The following ZFHX4 variants were observed in gnomAD, a reference collection of about 807,000 sequenced individuals.
The protein encoded by ZFHX4 is zinc finger homeobox 4.
ZFHX4 carries 56 observed loss-of-function variants against 267.6 expected under a neutral mutation model. The ratio of observed to expected loss-of-function variants is 0.21; its 90% confidence interval spans 0.17 to 0.26. The LOEUF is 0.26. ZFHX4 is among the 10% of genes least tolerant of loss of function. The pLI, the probability that ZFHX4 is intolerant of heterozygous loss-of-function variation, is 1.00. For missense variants in ZFHX4, 4,332 were observed against 4,420.0 expected, an observed-to-expected ratio of 0.98 and a Z score of 0.56; for synonymous variants, 1,778 against 1,665.6, an observed-to-expected ratio of 1.07 and a Z score of -1.64.
chr8:76,730,731 T>G (rs1808986913), intron 3 of ZFHX4, among the ~76,000 whole-genome samples: 2 of 151,964 alleles, frequency 1.3e-5, no homozygotes. Context: ...TAAAACTATT[T>G]TAAAGGTGCC....
chr8:76,819,733 T>G (rs766037464), intron 4 of ZFHX4, among the ~76,000 whole-genome samples: 3 of 152,206 alleles, frequency 2.0e-5, no homozygotes, highest in Non-Finnish European at 4.4e-5. Flanking sequence ...GTGGAACAAA[T>G]GAAAACTGAT....
Position 76,853,391 on chromosome 8 carries a change from A to C in ZFHX4, c.6470A>C (p.Glu2157Ala). ...GACATTAATAATTCTCCAAGTGAAGAACAGATCCAGGAAATGGCAGAGAAA... is the reference window on the plus strand; with the variant it reads ...GACATTAATAATTCTCCAAGTGAAGCACAGATCCAGGAAATGGCAGAGAAA... ...YFDINNSPSE[E>A]QIQEMAEKSG... is the part of the protein sequence containing the mutation. The change falls in exon 10 of 11, where the codon GAA becomes GCA. Residue 2157 changes from glutamate to alanine, a missense_variant. This residue lies in a region of ZFHX4 where 48 missense variants were observed against 95.4 expected (regional missense o/e 0.50). Coordinates refer to ENST00000651372, the MANE Select transcript of ZFHX4 (RefSeq NM_024721.5). 1 of 1,613,876 alleles carries C rather than the reference A, an allele frequency of 6.2e-7. No individual in the cohort carries two copies. The highest frequency in any genetic ancestry group is 8.5e-7 in the Non-Finnish European group (1 of 1,179,876).
At chr8:76,752,504 A>AG (rs796853524) in intron 3 of ZFHX4, among the ~76,000 whole-genome samples, 2 of 149,598 alleles carry the variant, frequency 1.3e-5, no homozygotes, top group Non-Finnish European at 1.5e-5. Context: ...AAAAAAAAAA[A>AG]AAAAAGAAAA....
intron 4 of ZFHX4, among the ~76,000 whole-genome samples, chr8:76,794,045 T>C (rs1375862735): frequency 1.3e-5 from 2 of 152,180 alleles, no homozygotes; most frequent in Non-Finnish European, 2.9e-5. Context: ...TTTTAAGTAT[T>C]TTATCTTAAC....
intron 4 of ZFHX4, among the ~76,000 whole-genome samples, chr8:76,785,809 G>A (rs112774069): frequency 5.1e-4 from 77 of 152,240 alleles, no homozygotes; most frequent in African/African-American, 1.7e-3. Flanking sequence ...TCTCAATTAC[G>A]TAGATAGTTC....
chr8:76,694,132 C>T (rs1807893788), intron 1 of ZFHX4, among the ~76,000 whole-genome samples: 1 of 152,182 alleles, frequency 6.6e-6, no homozygotes, highest in South Asian at 2.1e-4. Flanking sequence ...AGTATCTACT[C>T]TGTAAACTCT....
At chr8:76,713,745 CT>C (rs1808491992) in intron 3 of ZFHX4, among the ~76,000 whole-genome samples, 1 of 152,224 alleles carries the variant, frequency 6.6e-6, no homozygotes, top group South Asian at 2.1e-4. Flanking sequence ...ACTTAGAAGT[CT>C]TTTTCAGCGT....
At chr8:76,788,622 C>T (rs1371761627) in intron 4 of ZFHX4, among the ~76,000 whole-genome samples, 1 of 152,082 alleles carries the variant, frequency 6.6e-6, no homozygotes, top group Non-Finnish European at 1.5e-5. Context: ...CATTGAAATG[C>T]CATTTTGGGG....
In ZFHX4 at chr8:76,864,471, A is replaced by G; in HGVS notation, c.10757A>G (p.Glu3586Gly). 6.2e-7 allele frequency: 1 copy of G among 1,613,744 alleles called. No homozygotes were observed. Among genetic ancestry groups the G allele is most frequent in the East Asian group, 2.2e-5 (1 of 44,846 alleles). ...GACAGTGAGCTGAGCCAGAAGCTAG[A>G]AGACTTAGATAATTCTTTGGAAGTG... The part of the protein sequence containing the change: ...ESDSELSQKL[E>G]DLDNSLEVKA... The change falls in exon 11 of 11, where the codon GAA (glutamate) becomes GGA (glycine). Residue 3586 changes from glutamate (E) to glycine (G), a missense_variant. Physicochemically the swap from Glu to Gly is moderately conservative, Grantham distance 98 (BLOSUM62 -2). Coordinates refer to ENST00000651372, the MANE Select transcript of ZFHX4 (RefSeq NM_024721.5).
intron 1 of ZFHX4, among the ~76,000 whole-genome samples, chr8:76,685,938 G>A (rs887827633): frequency 6.6e-5 from 10 of 152,106 alleles, no homozygotes; most frequent in Non-Finnish European, 7.4e-5. Flanking sequence ...TAGGTGCAAC[G>A]TTTCTTTTTA....
chr8:76,802,023 C>T (rs943381592), intron 4 of ZFHX4, among the ~76,000 whole-genome samples: 5 of 152,032 alleles, frequency 3.3e-5, no homozygotes, highest in Non-Finnish European at 5.9e-5. Context: ...AGTATGAAAG[C>T]GTAATAGGCA....
rs748266891 is a variant in ZFHX4 at position 76,856,010 on chromosome 8, A to G, written c.9089A>G (p.Gln3030Arg). 21 of 1,613,892 alleles carry G rather than the reference A, an allele frequency of 1.3e-5. No homozygotes were observed. Among genetic ancestry groups the G allele is most frequent in the Non-Finnish European group, 1.4e-5 (17 of 1,179,888 alleles). The change falls in exon 10 of 11, where the codon CAG becomes CGG. Residue 3030 changes from glutamine (Q) to arginine (R), a missense_variant. Coordinates refer to ENST00000651372, the MANE Select transcript of ZFHX4 (RefSeq NM_024721.5). ...ATCAGAGATCACATTTTCTCCAAAC[A>G]GCACATTTCAAAAGTGAGGGAGACC... Reference protein sequence around the residue: ...LSIRDHIFSKQHISKVRETVG... With the variant: ...LSIRDHIFSKRHISKVRETVG...
At chr8:76,742,674 CACTT>C (rs1253471956) in intron 3 of ZFHX4, among the ~76,000 whole-genome samples, 2 of 152,178 alleles carry the variant, frequency 1.3e-5, no homozygotes, top group Admixed American at 1.3e-4. Flanking sequence ...AAAATAAACA[CACTT>C]AATTGAACAG....
At chr8:76,794,297 A>G (rs1810914977) in intron 4 of ZFHX4, among the ~76,000 whole-genome samples, 1 of 152,102 alleles carries the variant, frequency 6.6e-6, no homozygotes, top group Admixed American at 6.6e-5. Flanking sequence ...GTATTTCCCA[A>G]TTTTCAGCTG....
intron 4 of ZFHX4, among the ~76,000 whole-genome samples, chr8:76,803,395 C>T (rs1353544380): frequency 6.6e-6 from 1 of 151,950 alleles, no homozygotes; most frequent in Non-Finnish European, 1.5e-5. Flanking sequence ...AATATTTATC[C>T]TTGTAAACTG....
At chr8:76,837,849 C>A (rs1812132724) in intron 5 of ZFHX4, among the ~76,000 whole-genome samples, 1 of 152,094 alleles carries the variant, frequency 6.6e-6, no homozygotes, top group Non-Finnish European at 1.5e-5. Flanking sequence ...TCCAGAAACA[C>A]TAATCCTAGT....
At chr8:76,775,105 T>C (rs1340719437) in intron 3 of ZFHX4, among the ~76,000 whole-genome samples, 1 of 152,124 alleles carries the variant, frequency 6.6e-6, no homozygotes, top group East Asian at 1.9e-4. Flanking sequence ...TATGAAAAAG[T>C]ATGTTGAATA....
At chr8:76,721,308 A>G (rs1808715747) in intron 3 of ZFHX4, among the ~76,000 whole-genome samples, 1 of 152,186 alleles carries the variant, frequency 6.6e-6, no homozygotes. Flanking sequence ...CTATATTTGT[A>G]GGAATGAAAA....
At chr8:76,862,997 C>CA in intron 10 of ZFHX4, 97 bp from the exon 11 acceptor site, 2 of 1,419,892 alleles carry the variant, frequency 1.4e-6, no homozygotes. Flanking sequence ...TCTGATATAG[C>CA]AATGTCCTTA....
Sources: allele counts gnomAD v4.1 joint callset (sites outside exome capture counted in the v4.1 genomes callset), GRCh38; gene constraint gnomAD v4.1.1; regional missense constraint gnomAD v4.1.1; transcripts MANE v1.5; gene names NCBI Gene and HGNC (gene_info 2026-07-23, HGNC 2026-07-21).